SEPTIN9: variants seen among roughly 807,000 people sequenced by gnomAD.
SEPTIN9 encodes the protein septin-9.
Under a neutral mutation model 56.6 loss-of-function variants are expected in SEPTIN9, and 13 were observed. The observed-to-expected ratio is 0.23, with a 90% confidence interval of 0.15 to 0.37. The LOEUF (loss-of-function observed/expected upper bound fraction) is 0.37. Ranked by LOEUF, SEPTIN9 falls within the 10% of genes least tolerant of loss-of-function variation. SEPTIN9 has a pLI of 1.00. For synonymous variants in SEPTIN9, 332 were observed against 334.1 expected (o/e 0.99, Z 0.07); for missense variants, 650 against 823.1 (o/e 0.79, Z 2.57).
chr17:77,422,927 G>T (rs777803314), intron 3 of SEPTIN9, among the ~76,000 whole-genome samples: 3 of 152,042 alleles, frequency 2.0e-5, no homozygotes, highest in Non-Finnish European at 2.9e-5. Context: ...TAAACCCCTC[G>T]TCCCCACAGC....
intron 1 of SEPTIN9, among the ~76,000 whole-genome samples, chr17:77,295,926 C>A (rs1291737753): frequency 6.6e-6 from 1 of 152,168 alleles, no homozygotes; most frequent in African/African-American, 2.4e-5. Context: ...TGCCCTTCCC[C>A]TTGAATTCCT....
chr17:77,482,635 C>T (rs879012373), intron 4 of SEPTIN9: 10 of 626,622 alleles, frequency 1.6e-5, no homozygotes, highest in South Asian at 7.2e-5. Context: ...TGAGCAATGA[C>T]GTCAGCTTGT....
intron 1 of SEPTIN9, among the ~76,000 whole-genome samples, chr17:77,295,304 C>A (rs1301134190): frequency 6.6e-6 from 1 of 152,122 alleles, no homozygotes; most frequent in Non-Finnish European, 1.5e-5. Context: ...AGATTGGCAG[C>A]AGGGTGCCAC....
At chr17:77,432,334 G>A (rs951981232) in intron 3 of SEPTIN9, among the ~76,000 whole-genome samples, 4 of 152,204 alleles carry the variant, frequency 2.6e-5, no homozygotes, top group Non-Finnish European at 4.4e-5. Context: ...CGTTGGCATC[G>A]TCATCATCAC....
At chr17:77,392,823 T>G (rs1408574676) in intron 2 of SEPTIN9, among the ~76,000 whole-genome samples, 1 of 152,194 alleles carries the variant, frequency 6.6e-6, no homozygotes, top group Admixed American at 6.5e-5. Context: ...AATGTGGCTC[T>G]CTGTGGGGAG....
At chr17:77,418,690 C>G (rs574279256) in intron 3 of SEPTIN9, among the ~76,000 whole-genome samples, 88 of 152,304 alleles carry the variant, frequency 5.8e-4, no homozygotes, top group African/African-American at 1.3e-3. Flanking sequence ...ATGTCCACGC[C>G]TCCTCCTTTC....
rs1223847825 is a variant in SEPTIN9 at position 77,475,828 on chromosome 17, G to A, written c.722-6316G>A. 1.2e-6 allele frequency: 2 copies of A among 1,613,548 alleles called. No individual in the cohort carries two copies. Among genetic ancestry groups the A allele is most frequent in the East Asian group, 2.2e-5 (1 of 44,882 alleles). On this transcript the variant is annotated intron_variant, in intron 3 of 11. Coordinates refer to ENST00000427177, the MANE Select transcript of SEPTIN9 (RefSeq NM_001113491.2). The surrounding 1 kb of genome is among the most constrained non-coding windows in gnomAD (Gnocchi z 4.6). ...GCTCCCCTGCCGTGGCCTGGTCAGT[G>A]GCTTCACAGGCCTCCGTGGGCAGGA...
At chr17:77,311,059 AG>A (rs1260889818) in intron 2 of SEPTIN9, among the ~76,000 whole-genome samples, 1 of 152,090 alleles carries the variant, frequency 6.6e-6, no homozygotes, top group African/African-American at 2.4e-5. Flanking sequence ...TCTTGAGATG[AG>A]GTCATTCTGG....
At position 77,389,246 on chromosome 17, in the gene SEPTIN9, G is replaced by A. The variant is rs2035448733; in HGVS notation, c.77-12813G>A. 6.6e-6 allele frequency among the ~76,000 whole-genome samples: 1 copy of A among 152,182 alleles called. No individual in the cohort carries two copies. Among genetic ancestry groups the A allele is most frequent in the Non-Finnish European group, 1.5e-5 (1 of 68,032 alleles). On this transcript the variant is annotated intron_variant, in intron 2 of 11. Coordinates refer to ENST00000427177, the MANE Select transcript of SEPTIN9 (RefSeq NM_001113491.2). This position sits in a 1 kb window ranked among gnomAD's most constrained non-coding sequence, Gnocchi z 4.3. The stretch of plus-strand genomic sequence containing the variant: ...GGGAAGAGTCTGCTGTTGTTGGAGG[G>A]TCGGAAGTAGAGGGGAAGGAGGGGC...
chr17:77,298,626 C>A (rs2031913830), intron 1 of SEPTIN9, among the ~76,000 whole-genome samples: 1 of 152,116 alleles, frequency 6.6e-6, no homozygotes, highest in Admixed American at 6.5e-5. Context: ...GGGATTCTCA[C>A]CTGGGTGTGT....
chr17:77,468,579 G>A (rs2038849452), intron 3 of SEPTIN9, among the ~76,000 whole-genome samples: 1 of 152,214 alleles, frequency 6.6e-6, no homozygotes, highest in Non-Finnish European at 1.5e-5. Context: ...TGAGACAGAT[G>A]TTATTATCCC....
chr17:77,379,785 C>T (rs2035072528), intron 2 of SEPTIN9, among the ~76,000 whole-genome samples: 1 of 152,122 alleles, frequency 6.6e-6, no homozygotes, highest in Non-Finnish European at 1.5e-5. Context: ...GACGATTCCG[C>T]CACCCCCTCC....
chr17:77,478,395 T>C (rs546490849), intron 3 of SEPTIN9, among the ~76,000 whole-genome samples: 2 of 152,296 alleles, frequency 1.3e-5, no homozygotes, highest in African/African-American at 4.8e-5. Flanking sequence ...TTCAAAAGAA[T>C]GCACAGCATC....
At chr17:77,337,635 T>C (rs1243880442) in intron 2 of SEPTIN9, among the ~76,000 whole-genome samples, 1 of 152,214 alleles carries the variant, frequency 6.6e-6, no homozygotes, top group Non-Finnish European at 1.5e-5. Flanking sequence ...TAGAATTTTC[T>C]ACTAGGAAAG....
At chr17:77,410,329 G>A (rs1435387524) in intron 3 of SEPTIN9, among the ~76,000 whole-genome samples, 1 of 152,138 alleles carries the variant, frequency 6.6e-6, no homozygotes, top group Non-Finnish European at 1.5e-5. Context: ...GTGCAGGTGA[G>A]GGGGAAAGTG....
At chr17:77,312,986 A>T (rs1026875199) in intron 2 of SEPTIN9, among the ~76,000 whole-genome samples, 2 of 152,142 alleles carry the variant, frequency 1.3e-5, no homozygotes, top group African/African-American at 2.4e-5. Context: ...GGAGAGTTCT[A>T]TGGGGGGGCG....
intron 2 of SEPTIN9, among the ~76,000 whole-genome samples, chr17:77,349,613 G>T (rs2033995432): frequency 6.6e-6 from 1 of 152,138 alleles, no homozygotes; most frequent in South Asian, 2.1e-4. Context: ...TTTTATCCAA[G>T]TTTGATTGCT....
chr17:77,450,466 A>T lies in SEPTIN9; in HGVS notation c.722-31678A>T, dbSNP rs1008306055. On this transcript the variant is annotated intron_variant, in intron 3 of 11. Coordinates refer to ENST00000427177, the MANE Select transcript of SEPTIN9 (RefSeq NM_001113491.2). The surrounding 1 kb of genome is among the most constrained non-coding windows in gnomAD (Gnocchi z 6.0). ...TCCCAGCCCCCAGCAAGCCCTCGGA[A>T]CGAGCCCACTCCCAGGCGCTCTCTC... 9.1e-6 allele frequency: 9 copies of T among 985,222 alleles called. No homozygotes were observed. In the African/African-American group the frequency reaches 1.4e-4, roughly 15 times the overall value. The allele number at this position is 985,222 out of a possible 1,614,324, so 61.0% of individuals were successfully genotyped here.
At chr17:77,297,892 A>G (rs1221175809) in intron 1 of SEPTIN9, among the ~76,000 whole-genome samples, 1 of 152,250 alleles carries the variant, frequency 6.6e-6, no homozygotes, top group Admixed American at 6.5e-5. Flanking sequence ...GTGAGGGGTC[A>G]CAGAGATGAT....
Sources: gnomAD v4.1 joint callset for allele counts (sites outside exome capture counted in the v4.1 genomes callset) on GRCh38, gnomAD v4.1.1 for gene constraint, Gnocchi (gnomAD v3.1) non-coding constraint, MANE v1.5 for transcripts, NCBI Gene and HGNC (gene_info 2026-07-23, HGNC 2026-07-21) for gene names.